The following GPR176 variants were observed in gnomAD, a reference collection of about 807,000 sequenced individuals.
GPR176 encodes G protein-coupled receptor 176, also known as G-protein coupled receptor 176.
GPR176 carries 26 observed loss-of-function variants against 35.4 expected under a neutral mutation model. The observed-to-expected ratio is 0.74, with a 90% CI of 0.54 to 1.02. The LOEUF is 1.02. Among genes scored for constraint, GPR176 ranks in the 50% least tolerant of loss-of-function variants. GPR176 has a pLI of 0.00. For missense variants in GPR176, 597 were observed against 665.3 expected, an observed-to-expected ratio of 0.90 and a Z score of 1.13; for synonymous variants, 278 against 271.3, an observed-to-expected ratio of 1.02 and a Z score of -0.24.
Position 39,801,982 on chromosome 15 carries a change from C to T in GPR176, c.698G>A (p.Ser233Asn), listed in dbSNP as rs372306694. 9 of 1,613,976 alleles carry T rather than the reference C, an allele frequency of 5.6e-6. No homozygotes were observed. The highest frequency in any genetic ancestry group is 7.6e-6 in the Non-Finnish European group (9 of 1,180,040). The change falls in exon 3 of 3, where the codon AGT (serine) becomes AAT (asparagine). Residue 233 changes from serine (S) to asparagine (N), a missense_variant. This residue lies in a region of GPR176 where 220 missense variants were observed against 297.6 expected (regional missense o/e 0.74). Transcript: ENST00000561100. Reference sequence around the variant, plus strand: ...GATGACCTTCTTCTTCTGGCTGGCACTCAGGGCCCGTCGGATCAGTATCAA... The same window carrying T: ...GATGACCTTCTTCTTCTGGCTGGCATTCAGGGCCCGTCGGATCAGTATCAA... Reference protein sequence around the residue: ...LFLILIRRALSASQKKKVIIA... With the variant: ...LFLILIRRALNASQKKKVIIA...
intron 1 of GPR176, among the ~76,000 whole-genome samples, chr15:39,906,367 T>C (rs144767926): frequency 6.6e-6 from 1 of 152,332 alleles, no homozygotes; most frequent in Non-Finnish European, 1.5e-5. Flanking sequence ...AAGGATGCCA[T>C]TCTGATCCTA....
Position 39,915,338 on chromosome 15 carries a change from T to C in GPR176, c.172+4517A>G, listed in dbSNP as rs146256740. 3.5e-3 allele frequency among the ~76,000 whole-genome samples: 539 copies of C among 152,340 alleles called. 5 individuals carry two copies. Among genetic ancestry groups the C allele is most frequent in the African/African-American group, 0.012 (507 of 41,578 alleles). ...AAGAGAGGGCAAGCTCTCTAGTTCC[T>C]TCTTATAATGTTACTAATTCCATCT... is the stretch of plus-strand genomic sequence containing the variant. On this transcript the variant is annotated intron_variant, in intron 1 of 2. Transcript: ENST00000561100.
intron 1 of GPR176, among the ~76,000 whole-genome samples, chr15:39,876,270 C>G (rs1008447394): frequency 6.6e-6 from 1 of 152,148 alleles, no homozygotes; most frequent in Non-Finnish European, 1.5e-5. Context: ...CATGGTCCTA[C>G]TAACATATAT....
rs1457188260 is a variant in GPR176 at position 39,897,806 on chromosome 15, G to A, written c.172+22049C>T. On this transcript the variant is annotated intron_variant, in intron 1 of 2. Transcript: ENST00000561100. ...TTGGACTTAATTCAATTTATCTCAG[G>A]TCCTGAGCCTGAGATATAGCTTGAC... Among the ~76,000 whole-genome samples, 4 of 152,078 alleles carry A rather than the reference G, an allele frequency of 2.6e-5. No individual in the cohort carries two copies. In the East Asian group the frequency reaches 5.8e-4, roughly 22 times the overall value.
intron 1 of GPR176, among the ~76,000 whole-genome samples, chr15:39,810,723 G>A (rs1202043501): frequency 6.6e-6 from 1 of 152,146 alleles, no homozygotes; most frequent in Non-Finnish European, 1.5e-5. Context: ...GCAAAGTGGA[G>A]GTGATATAAA....
intron 1 of GPR176, among the ~76,000 whole-genome samples, chr15:39,895,298 AGGGG>A (rs1566966029): frequency 4.2e-5 from 1 of 23,974 alleles, no homozygotes; most frequent in Admixed American, 5.2e-4. Context: ...GAAGAGGGGG[AGGGG>A]GAGGGGGAGG....
At chr15:39,809,556 T>C (rs1173224805) in intron 1 of GPR176, among the ~76,000 whole-genome samples, 1 of 152,226 alleles carries the variant, frequency 6.6e-6, no homozygotes, top group South Asian at 2.1e-4. Flanking sequence ...AACCTCTATA[T>C]ACTTTTTATT....
intron 1 of GPR176, among the ~76,000 whole-genome samples, chr15:39,882,937 C>T (rs1480113414): frequency 6.6e-6 from 1 of 152,138 alleles, no homozygotes; most frequent in Non-Finnish European, 1.5e-5. Context: ...TGGCAAATGT[C>T]GGCAATGCAG....
intron 1 of GPR176, among the ~76,000 whole-genome samples, chr15:39,859,434 A>G (rs753515431): frequency 1.3e-5 from 2 of 151,546 alleles, no homozygotes; most frequent in Non-Finnish European, 2.9e-5. Flanking sequence ...TCATCAGAGA[A>G]TTGCAAATTA....
At chr15:39,856,532 G>A (rs2031233098) in intron 1 of GPR176, among the ~76,000 whole-genome samples, 1 of 152,182 alleles carries the variant, frequency 6.6e-6, no homozygotes, top group Non-Finnish European at 1.5e-5. Flanking sequence ...TTAACGGGCT[G>A]GAGGATGCTC....
At chr15:39,836,422 C>G (rs891860625) in intron 1 of GPR176, among the ~76,000 whole-genome samples, 4 of 152,128 alleles carry the variant, frequency 2.6e-5, no homozygotes, top group Admixed American at 2.6e-4. Context: ...ATGTGACATG[C>G]CTGCTCCTTC....
intron 1 of GPR176, among the ~76,000 whole-genome samples, chr15:39,896,464 ATC>A (rs2033117312): frequency 6.6e-6 from 1 of 152,228 alleles, no homozygotes; most frequent in South Asian, 2.1e-4. Context: ...ACATAATTGA[ATC>A]TCATATAAAT....
intron 1 of GPR176, among the ~76,000 whole-genome samples, chr15:39,897,281 A>T (rs976695264): frequency 2.6e-5 from 4 of 152,234 alleles, no homozygotes; most frequent in Admixed American, 6.5e-5. Flanking sequence ...GGAATCTAGG[A>T]CACAACATGA....
intron 1 of GPR176, among the ~76,000 whole-genome samples, chr15:39,825,506 A>T (rs998578900): frequency 6.6e-6 from 1 of 152,028 alleles, no homozygotes; most frequent in African/African-American, 2.4e-5. Context: ...GTAAAAATAT[A>T]ATTTTATTTT....
intron 1 of GPR176, among the ~76,000 whole-genome samples, chr15:39,908,118 G>C (rs1159770051): frequency 2.6e-5 from 4 of 152,172 alleles, no homozygotes; most frequent in South Asian, 4.2e-4. Flanking sequence ...CTGGACCTCT[G>C]CCTCTGCACA....
intron 1 of GPR176, among the ~76,000 whole-genome samples, chr15:39,832,192 G>A (rs112549355): frequency 0.15 from 23,548 of 152,140 alleles, 2,111 homozygotes; most frequent in Admixed American, 0.27. Flanking sequence ...TACTAGGATA[G>A]CTATAATCAA....
intron 1 of GPR176, among the ~76,000 whole-genome samples, chr15:39,857,623 T>C (rs2031307116): frequency 6.6e-6 from 1 of 151,612 alleles, no homozygotes; most frequent in African/African-American, 2.4e-5. Context: ...TGAGCCGTGA[T>C]TGCACCACTG....
intron 1 of GPR176, among the ~76,000 whole-genome samples, chr15:39,901,607 A>T (rs1026924910): frequency 1.3e-5 from 2 of 152,136 alleles, no homozygotes; most frequent in Admixed American, 1.3e-4. Context: ...TGACCTTAGC[A>T]CTTATCTTAA....
intron 1 of GPR176, chr15:39,862,087 G>A (rs2031621244): frequency 6.6e-6 from 1 of 152,144 alleles, no homozygotes; most frequent in East Asian, 1.9e-4. Flanking sequence ...CTTTGCCCTT[G>A]GAGTGAGAAT....
Sources: gnomAD v4.1 joint callset for allele counts (sites outside exome capture counted in the v4.1 genomes callset) on GRCh38, gnomAD v4.1.1 for gene constraint, gnomAD v4.1.1 regional missense constraint, MANE v1.5 for transcripts, NCBI Gene and HGNC (gene_info 2026-07-23, HGNC 2026-07-21) for gene names.